Variants in C2orf76 observed in about 807,000 individuals in gnomAD.
C2orf76 encodes the protein UPF0538 protein C2orf76.
Under a neutral mutation model 16.9 loss-of-function variants are expected in C2orf76, and 23 were observed. That is an observed-to-expected ratio of 1.36 (90% confidence interval 0.98 to 1.93). The LOEUF is 1.93. Ranked by LOEUF, C2orf76 falls within the 30% of genes most tolerant of loss-of-function variation. C2orf76 has a pLI of 0.00. For missense variants in C2orf76, 152 were observed against 152.6 expected (o/e 1.00, Z 0.02); for synonymous variants, 48 against 52.3 (o/e 0.92, Z 0.35).
intron 5 of C2orf76, among the ~76,000 whole-genome samples, chr2:119,303,432 G>C (rs917794387): frequency 1.3e-5 from 2 of 152,200 alleles, no homozygotes; most frequent in Non-Finnish European, 2.9e-5. Context: ...TTTACAGAAA[G>C]AGCAAAAGGG....
At chr2:119,326,417 G>A (rs1034158757) in intron 2 of C2orf76, among the ~76,000 whole-genome samples, 2 of 152,030 alleles carry the variant, frequency 1.3e-5, no homozygotes, top group Non-Finnish European at 1.5e-5. Flanking sequence ...TAACGTATAT[G>A]TTTATCTACA....
chr2:119,323,330 G>GT (rs966862060), intron 2 of C2orf76, among the ~76,000 whole-genome samples: 6 of 151,994 alleles, frequency 3.9e-5, no homozygotes, highest in Admixed American at 2.0e-4. Context: ...GGAAATGTGG[G>GT]TTTTTTTAAA....
At chr2:119,345,576 G>T (rs76162358) in intron 1 of C2orf76, among the ~76,000 whole-genome samples, 1,893 of 152,166 alleles carry the variant, frequency 0.012, 35 homozygotes, top group African/African-American at 0.042. Flanking sequence ...TTAAAAAGCT[G>T]GTCATTCTGG....
the C2orf76 span, among the ~76,000 whole-genome samples, chr2:119,288,043 G>T: frequency 1.3e-5 from 2 of 152,036 alleles, no homozygotes; most frequent in Non-Finnish European, 2.9e-5. Flanking sequence ...AGGAGGTTTT[G>T]GGGGTGGTGG....
the C2orf76 span, among the ~76,000 whole-genome samples, chr2:119,281,273 C>A: frequency 6.6e-6 from 1 of 152,204 alleles, no homozygotes; most frequent in South Asian, 2.1e-4. Flanking sequence ...CTCCCTCCTC[C>A]CAACTTCCAC....
chr2:119,282,916 G>A, the C2orf76 span, among the ~76,000 whole-genome samples: 3 of 152,186 alleles, frequency 2.0e-5, no homozygotes, highest in East Asian at 1.9e-4. Context: ...TCAAGGCTGC[G>A]GGGGGAAACA....
chr2:119,293,439 A>G, the C2orf76 span, among the ~76,000 whole-genome samples: 96,037 of 152,168 alleles, frequency 0.63, 30,600 homozygotes, highest in African/African-American at 0.67. Context: ...GGTGTGCACC[A>G]GGAAGAGGAC....
intron 1 of C2orf76, among the ~76,000 whole-genome samples, chr2:119,350,642 G>A (rs192647358): frequency 9.7e-4 from 147 of 152,316 alleles, no homozygotes; most frequent in Non-Finnish European, 1.8e-3. Context: ...CTGCAAGGAT[G>A]GTGAGGAGGG....
At chr2:119,305,506 A>T (rs1335945011) in intron 5 of C2orf76, among the ~76,000 whole-genome samples, 2 of 152,224 alleles carry the variant, frequency 1.3e-5, no homozygotes, top group Non-Finnish European at 2.9e-5. Context: ...GTCAGCACCA[A>T]CGTAGTATGA....
chr2:119,325,454 T>C (rs1679479028), intron 2 of C2orf76, among the ~76,000 whole-genome samples: 1 of 87,018 alleles, frequency 1.1e-5, no homozygotes, highest in South Asian at 3.6e-4. Flanking sequence ...AGCAAGACTG[T>C]CTCAAAAAAA....
intron 3 of C2orf76, among the ~76,000 whole-genome samples, chr2:119,319,840 C>T (rs992218236): frequency 5.9e-5 from 9 of 152,092 alleles, no homozygotes; most frequent in African/African-American, 1.2e-4. Flanking sequence ...TCCCGCAGAC[C>T]GTGAGGTGGC....
chr2:119,287,447 C>T, the C2orf76 span, among the ~76,000 whole-genome samples: 1 of 152,178 alleles, frequency 6.6e-6, no homozygotes, highest in Non-Finnish European at 1.5e-5. Context: ...TCTCCCACAA[C>T]CCCACCACAA....
intron 1 of C2orf76, among the ~76,000 whole-genome samples, chr2:119,351,806 T>C (rs760950243): frequency 3.3e-5 from 5 of 151,760 alleles, no homozygotes; most frequent in Non-Finnish European, 7.4e-5. Flanking sequence ...CAGCTGGGAA[T>C]GTATTGAGTG....
intron 4 of C2orf76, among the ~76,000 whole-genome samples, chr2:119,315,558 G>A (rs1186080952): frequency 6.6e-6 from 1 of 152,202 alleles, no homozygotes; most frequent in Non-Finnish European, 1.5e-5. Flanking sequence ...ATGAGGACAT[G>A]TGGATGAAGT....
At chr2:119,308,395 C>T (rs1050909617) in intron 5 of C2orf76, among the ~76,000 whole-genome samples, 5 of 152,232 alleles carry the variant, frequency 3.3e-5, no homozygotes, top group African/African-American at 7.2e-5. Flanking sequence ...AATCCCAGCA[C>T]TTTGGGAGGC....
At chr2:119,366,931 C>A (rs1681035374), upstream of C2orf76, 2 of 1,303,226 alleles carry the variant, frequency 1.5e-6, no homozygotes, top group Non-Finnish European at 2.2e-6. Flanking sequence ...GGTGCTCGCC[C>A]GAGCAGGGTT....
chr2:119,317,274 C>T (rs569018512), intron 4 of C2orf76, among the ~76,000 whole-genome samples, 192 bp downstream of exon 4: 30 of 151,884 alleles, frequency 2.0e-4, no homozygotes, highest in African/African-American at 4.1e-4. Flanking sequence ...TAAAAAGGAC[C>T]TACTACTAAC....
At chr2:119,323,332 T>G (rs1013071926) in intron 2 of C2orf76, among the ~76,000 whole-genome samples, 2 of 152,094 alleles carry the variant, frequency 1.3e-5, no homozygotes, top group African/African-American at 4.8e-5. Flanking sequence ...AAATGTGGGT[T>G]TTTTTAAAAT....
intron 5 of C2orf76, among the ~76,000 whole-genome samples, chr2:119,310,735 G>A (rs942023703): frequency 8.5e-5 from 13 of 152,164 alleles, no homozygotes; most frequent in Admixed American, 3.9e-4. Context: ...TTAGCCAAGC[G>A]TGCTGGTGCA....
Sources: allele counts gnomAD v4.1 joint callset (sites outside exome capture counted in the v4.1 genomes callset), GRCh38; gene constraint gnomAD v4.1.1; transcripts MANE v1.5; gene names NCBI Gene and HGNC (gene_info 2026-07-23, HGNC 2026-07-21).